Variants in TEX15 observed in about 807,000 individuals in gnomAD.
The protein encoded by TEX15 is testis-expressed protein 15.
A neutral mutation model predicts 237.3 loss-of-function variants in TEX15; 171 were observed. The ratio of observed to expected loss-of-function variants is 0.72; its 90% CI spans 0.64 to 0.82. TEX15 has a LOEUF of 0.82. TEX15 is among the 40% of genes least tolerant of loss of function. The pLI is 0.00. For missense variants in TEX15, 3,750 were observed against 3,646.5 expected (o/e 1.03, Z -0.73); for synonymous variants, 1,338 against 1,269.8 (o/e 1.05, Z -1.14).
chr8:30,899,959 T>C (rs972544262), intron 1 of TEX15, among the ~76,000 whole-genome samples: 3 of 152,206 alleles, frequency 2.0e-5, no homozygotes, highest in Non-Finnish European at 4.4e-5. Flanking sequence ...AATTAATATA[T>C]TTAAAATGCT....
intron 2 of TEX15, chr8:30,887,531 ACT>A (rs1209492587): frequency 5.3e-6 from 2 of 374,392 alleles, no homozygotes; most frequent in Non-Finnish European, 9.5e-6. Context: ...GGGCATGGTG[ACT>A]CACACCTGTA....
chr8:30,910,637 AGAGACG>A (rs1267314993), intron 1 of TEX15, among the ~76,000 whole-genome samples: 1 of 94,700 alleles, frequency 1.1e-5, no homozygotes, highest in East Asian at 3.1e-4. Flanking sequence ...TTTTTTTGGT[AGAGACG>A]GGGACTATGT....
At chr8:30,833,417 TAA>T (rs1807224531) in intron 10 of TEX15, 94 bp from the exon 11 acceptor site, 3 of 950,036 alleles carry the variant, frequency 3.2e-6, no homozygotes, top group Non-Finnish European at 4.7e-6. Context: ...AAATTACAGC[TAA>T]AGAGATCAAA....
chr8:30,865,559 T>C (rs549777098), intron 5 of TEX15, among the ~76,000 whole-genome samples: 3 of 152,094 alleles, frequency 2.0e-5, no homozygotes, highest in African/African-American at 4.8e-5. Context: ...AACAAAAGAT[T>C]AGCAAACTGA....
rs1231146514 is a variant in TEX15, at chr8:30,837,966, A to G, written c.8318T>C (p.Met2773Thr). 5 of 1,614,068 alleles carry G rather than the reference A, an allele frequency of 3.1e-6. No individual in the cohort carries two copies. The highest frequency in any genetic ancestry group is 4.2e-6 in the Non-Finnish European group (5 of 1,179,986). ...RNHLTPKKVE[M>T]QRSLPGSLLP... The stretch of plus-strand genomic sequence containing the variant: ...AAGTGAGCCAGGTAGTGATCTTTGC[A>G]TTTCAACCTTTTTTGGCGTTAAATG... The change falls in exon 10 of 11, where the codon ATG becomes ACG. Residue 2773 changes from methionine (M) to threonine (T), a missense_variant. By Grantham distance (81) the Met-to-Thr change is moderately conservative. Coordinates refer to ENST00000643185, the MANE Select transcript of TEX15 (RefSeq NM_001350162.2).
intron 3 of TEX15, among the ~76,000 whole-genome samples, chr8:30,879,284 TC>T (rs1808470261): frequency 6.6e-6 from 1 of 152,234 alleles, no homozygotes; most frequent in South Asian, 2.1e-4. Flanking sequence ...TTTCTGATTT[TC>T]ATGAAAGTGA....
chr8:30,907,198 G>C (rs1459386787), intron 1 of TEX15, among the ~76,000 whole-genome samples: 1 of 152,138 alleles, frequency 6.6e-6, no homozygotes, highest in Non-Finnish European at 1.5e-5. Context: ...GGAGGGTGGA[G>C]TGCAGTGGTG....
chr8:30,882,488 G>A lies in TEX15; in HGVS notation c.136+4679C>T, dbSNP rs187184216. On this transcript the variant is annotated intron_variant, in intron 3 of 10. Coordinates refer to ENST00000643185, the MANE Select transcript of TEX15 (RefSeq NM_001350162.2). Reference sequence around the variant, plus strand: ...TTTTTAGTAGAGACAGGGTTTCACCGTGTAAGCCAGGATGGTCCCAATCTC... The same window carrying A: ...TTTTTAGTAGAGACAGGGTTTCACCATGTAAGCCAGGATGGTCCCAATCTC... Among the ~76,000 whole-genome samples the A allele has an allele frequency of 2.8e-3, 419 of 152,056 alleles. 4 individuals carry two copies. The highest frequency in any genetic ancestry group is 9.8e-3 in the African/African-American group (405 of 41,460).
Position 30,847,417 on chromosome 8 carries a change from T to C in TEX15, c.2750A>G (p.Glu917Gly). ...AATCAAGTTAAATTTAGTAGAAAAT[T>C]CTTCAGAACTCAAAATTTCTATATT... ...YHNIEILSSE[E>G]FSTKFNLICR... is the part of the protein sequence containing the mutation. Residue 917 changes from glutamate (E) to glycine (G), a missense_variant, in exon 8 of 11, where the codon GAA becomes GGA. Physicochemically the swap from Glu to Gly is moderately conservative, Grantham distance 98. Coordinates refer to ENST00000643185, the MANE Select transcript of TEX15 (RefSeq NM_001350162.2). The C allele has an allele frequency of 6.2e-7, 1 of 1,611,698 alleles. No homozygotes were observed. The highest frequency in any genetic ancestry group is 8.5e-7 in the Non-Finnish European group (1 of 1,179,424).
chr8:30,838,086 A>G, intron 9 of TEX15, 25 bp from the exon 10 acceptor site: 1 of 1,533,320 alleles, frequency 6.5e-7, no homozygotes, highest in Non-Finnish European at 8.7e-7. Flanking sequence ...ACATACATAA[A>G]AATGAATTTA....
Position 30,848,602 on chromosome 8 carries a change from G to T in TEX15, c.1565C>A (p.Pro522His). Residue 522 changes from proline (P) to histidine (H), a missense_variant, in exon 8 of 11, where the codon CCT (proline) becomes CAT (histidine). Pro to His is a moderately conservative substitution (Grantham distance 77, BLOSUM62 -2). Transcript: ENST00000643185. ...CCCTGCCATGGTAACTTTATTGGGA[G>T]GTATACAGTCATAGTCCTCAGAGCC... The part of the protein sequence containing the change: ...NMGSEDYDCI[P>H]PNKVTMAGQC... 1 of 1,614,052 alleles carries T rather than the reference G, an allele frequency of 6.2e-7. No individual in the cohort carries two copies. The highest frequency in any genetic ancestry group is 8.5e-7 in the Non-Finnish European group (1 of 1,179,988).
chr8:30,883,079 T>C (rs1808564901), intron 3 of TEX15, among the ~76,000 whole-genome samples: 2 of 152,108 alleles, frequency 1.3e-5, no homozygotes, highest in African/African-American at 4.8e-5. Flanking sequence ...CCCTGTAGTT[T>C]TTTGTTTTTT....
In TEX15 at chr8:30,875,002, T is replaced by C; in HGVS notation, c.237A>G (p.Leu79=). Residue 79 remains leucine, a synonymous_variant, in exon 4 of 11, where the codon TTA becomes TTG. Coordinates refer to ENST00000643185, the MANE Select transcript of TEX15 (RefSeq NM_001350162.2). ...RLDVNCDLQS[L]WQFGDTKLVH... Reference sequence around the variant, plus strand: ...CCAGTTTTGTATCCCCAAACTGCCATAACGACTGCAGATCACAGTTTACAT... The same window carrying C: ...CCAGTTTTGTATCCCCAAACTGCCACAACGACTGCAGATCACAGTTTACAT... The C allele has an allele frequency of 7.2e-7, 1 of 1,391,996 alleles. No homozygotes were observed. Among genetic ancestry groups the C allele is most frequent in the Non-Finnish European group, 9.3e-7 (1 of 1,072,582 alleles). 86.2% of individuals were successfully genotyped at this position (1,391,996 alleles called of 1,614,324 possible).
chr8:30,892,982 G>A (rs941336652), intron 2 of TEX15, among the ~76,000 whole-genome samples: 2 of 148,734 alleles, frequency 1.3e-5, no homozygotes, highest in Non-Finnish European at 3.0e-5. Flanking sequence ...GCAGTGAGCC[G>A]AGATTGTGCC....
chr8:30,849,793 G>C (rs987570951), intron 7 of TEX15, among the ~76,000 whole-genome samples: 2 of 151,930 alleles, frequency 1.3e-5, no homozygotes, highest in African/African-American at 4.8e-5. Flanking sequence ...CAGCTACTCA[G>C]GAGGCTGAGG....
intron 7 of TEX15, among the ~76,000 whole-genome samples, chr8:30,854,632 C>T (rs893293180): frequency 6.6e-6 from 1 of 151,982 alleles, no homozygotes; most frequent in African/African-American, 2.4e-5. Context: ...TAGAATACTT[C>T]CCAACTCATC....
At chr8:30,891,950 C>G (rs1339278480) in intron 2 of TEX15, among the ~76,000 whole-genome samples, 1 of 152,026 alleles carries the variant, frequency 6.6e-6, no homozygotes, top group Non-Finnish European at 1.5e-5. Flanking sequence ...AAGTAATTCC[C>G]CCCACTTTTA....
Position 30,844,169 on chromosome 8 carries a change from G to C in TEX15, c.5998C>G (p.Leu2000Val). The C allele has an allele frequency of 6.2e-7, 1 of 1,612,978 alleles. No homozygotes were observed. Among genetic ancestry groups the C allele is most frequent in the Non-Finnish European group, 8.5e-7 (1 of 1,179,472 alleles). Residue 2000 changes from leucine (L) to valine (V), a missense_variant, in exon 8 of 11, where the codon CTA becomes GTA. Transcript: ENST00000643185. The part of the protein sequence containing the change: ...SANHTALIAN[L>V]SQILQRADEA... ...TCTGCCCTCTGCAAAATTTGAGATA[G>C]ATTAGCTATAAGGGCCGTATGATTA...
intron 7 of TEX15, among the ~76,000 whole-genome samples, chr8:30,851,525 G>C (rs1263711955): frequency 6.6e-6 from 1 of 151,970 alleles, no homozygotes; most frequent in Non-Finnish European, 1.5e-5. Context: ...CAGGTACTCG[G>C]GAGGCTGAGG....
Sources: gnomAD v4.1 joint callset for allele counts (sites outside exome capture counted in the v4.1 genomes callset) on GRCh38, gnomAD v4.1.1 for gene constraint, MANE v1.5 for transcripts, NCBI Gene and HGNC (gene_info 2026-07-23, HGNC 2026-07-21) for gene names.